Variants in EDAR observed in about 807,000 individuals in gnomAD.
The protein encoded by EDAR is tumor necrosis factor receptor superfamily member EDAR.
Under a neutral mutation model 51.3 loss-of-function variants are expected in EDAR, and 38 were observed. The ratio of observed to expected loss-of-function variants is 0.74; its 90% CI spans 0.57 to 0.97. The LOEUF (loss-of-function observed/expected upper bound fraction) is 0.97. Ranked by LOEUF, EDAR falls within the 50% of genes least tolerant of loss-of-function variation. The pLI is 0.00. For missense variants in EDAR, 528 were observed against 595.0 expected (o/e 0.89, Z 1.17); for synonymous variants, 227 against 242.1 (o/e 0.94, Z 0.58).
intron 1 of EDAR, among the ~76,000 whole-genome samples, chr2:108,951,695 G>T (rs1380881181): frequency 6.6e-6 from 1 of 151,918 alleles, no homozygotes; most frequent in Non-Finnish European, 1.5e-5. Context: ...TAAAATGAGG[G>T]TCTTATACTA....
rs121908455 is a variant in EDAR, at chr2:108,929,225, T to G, written c.329A>C (p.Asp110Ala). 1.9e-6 allele frequency: 3 copies of G among 1,614,118 alleles called. No individual in the cohort carries two copies. The highest frequency in any genetic ancestry group is 2.5e-6 in the Non-Finnish European group (3 of 1,180,040). ...AGGGAGGCAAGGGCCACACTCAGCG[T>G]CATTCTCCATGTCCCCTGGTGTCAG... The part of the protein sequence containing the change: ...TVLTPGDMEN[D>A]AECGPCLPGY... The change falls in exon 4 of 12, where the codon GAC (aspartate) becomes GCC (alanine). Residue 110 changes from aspartate (D) to alanine (A), a missense_variant. By Grantham distance (126) the Asp-to-Ala change is moderately radical (BLOSUM62 -2). Transcript: ENST00000258443.
intron 5 of EDAR, among the ~76,000 whole-genome samples, chr2:108,919,638 G>A (rs2105422764): frequency 6.6e-6 from 1 of 152,312 alleles, no homozygotes; most frequent in African/African-American, 2.4e-5. Flanking sequence ...GATTTCAGGT[G>A]TGAGCCACTG....
At chr2:108,969,375 C>T (rs1449266592) in intron 1 of EDAR, among the ~76,000 whole-genome samples, 5 of 152,126 alleles carry the variant, frequency 3.3e-5, no homozygotes, top group East Asian at 1.9e-4. Context: ...TGGCTAAGTT[C>T]GGATGGTTGT....
intron 11 of EDAR, among the ~76,000 whole-genome samples, chr2:108,904,475 T>A (rs1462774630): frequency 6.6e-6 from 1 of 152,256 alleles, no homozygotes; most frequent in Non-Finnish European, 1.5e-5. Flanking sequence ...TTATCCCAGA[T>A]AAATCACGAC....
At chr2:108,902,928 A>G (rs1464507135) in intron 11 of EDAR, among the ~76,000 whole-genome samples, 2 of 152,204 alleles carry the variant, frequency 1.3e-5, no homozygotes, top group East Asian at 3.8e-4. Flanking sequence ...AAGGAAAGAA[A>G]CGGTACACAG....
intron 9 of EDAR, 68 bp from the exon 10 acceptor site, chr2:108,908,087 T>C (rs372876224): frequency 6.7e-7 from 1 of 1,493,260 alleles, no homozygotes; most frequent in Non-Finnish European, 9.0e-7. Context: ...AGTTCTCCTG[T>C]GGTGAACTTG....
chr2:108,914,012 G>C (rs554922895), intron 5 of EDAR, among the ~76,000 whole-genome samples: 1 of 150,054 alleles, frequency 6.7e-6, no homozygotes, highest in African/African-American at 2.4e-5. Flanking sequence ...TATAATCCCA[G>C]CACTTTGGGA....
chr2:108,928,583 G>A (rs759487683), intron 4 of EDAR, among the ~76,000 whole-genome samples: 11 of 152,202 alleles, frequency 7.2e-5, no homozygotes, highest in Non-Finnish European at 1.2e-4. Flanking sequence ...ATGTGTTGTG[G>A]CCACTAGGGG....
At chr2:108,977,533 G>A (rs1698345558) in intron 1 of EDAR, among the ~76,000 whole-genome samples, 1 of 152,188 alleles carries the variant, frequency 6.6e-6, no homozygotes, top group Non-Finnish European at 1.5e-5. Flanking sequence ...GCCTCCCAAA[G>A]TGCTGGGATT....
intron 11 of EDAR, among the ~76,000 whole-genome samples, chr2:108,898,132 C>T (rs892085889): frequency 6.6e-6 from 1 of 152,184 alleles, no homozygotes; most frequent in Non-Finnish European, 1.5e-5. Flanking sequence ...TCTATTCCAG[C>T]CAAACATCAC....
At chr2:108,903,130 A>G (rs1696732033) in intron 11 of EDAR, among the ~76,000 whole-genome samples, 1 of 152,228 alleles carries the variant, frequency 6.6e-6, no homozygotes, top group Admixed American at 6.5e-5. Flanking sequence ...CTGAATTTAA[A>G]TTGTCGTTTA....
At position 108,894,955 on chromosome 2, in the gene EDAR, G is replaced by GTT. The variant is rs1696553298; in HGVS notation, c.*1950_*1951dup. ...AAACATTCTGAGGAGGGTGCAAGCT[G>GTT]TTATCCTGGAATGGCACACTCATCA... On this transcript the variant is annotated 3_prime_UTR_variant, in exon 12 of 12. Transcript: ENST00000258443. 1 of 152,232 alleles carries GTT rather than the reference G, an allele frequency of 6.6e-6. No homozygotes were observed. Among genetic ancestry groups the GTT allele is most frequent in the African/African-American group, 2.4e-5 (1 of 41,436 alleles). The allele number at this position is 152,232 out of a possible 1,614,324, so 9.4% of individuals were successfully genotyped here.
chr2:108,926,486 G>A (rs563414361), intron 4 of EDAR, among the ~76,000 whole-genome samples: 119 of 152,276 alleles, frequency 7.8e-4, no homozygotes, highest in African/African-American at 2.5e-3. Context: ...CAGATTCCCA[G>A]ATGTTCATTT....
intron 5 of EDAR, among the ~76,000 whole-genome samples, chr2:108,915,135 C>A (rs544595024): frequency 7.2e-5 from 11 of 152,318 alleles, no homozygotes; most frequent in East Asian, 1.9e-4. Context: ...AACTCCTGAC[C>A]TCAAGTGATC....
At chr2:108,910,642 G>T in intron 8 of EDAR, 110 bp from the exon 9 acceptor site, 2 of 1,398,462 alleles carry the variant, frequency 1.4e-6, no homozygotes, top group Non-Finnish European at 2.0e-6. Context: ...GTGTCTGTGT[G>T]GCACCACCCC....
chr2:108,964,017 T>A (rs990842757), intron 1 of EDAR, among the ~76,000 whole-genome samples: 1 of 152,222 alleles, frequency 6.6e-6, no homozygotes, highest in Non-Finnish European at 1.5e-5. Flanking sequence ...GACTATGGCC[T>A]CTGTGGCTGC....
intron 11 of EDAR, among the ~76,000 whole-genome samples, chr2:108,904,307 C>G (rs1429650281): frequency 1.3e-5 from 2 of 152,184 alleles, no homozygotes; most frequent in African/African-American, 4.8e-5. Flanking sequence ...CATAGTAACA[C>G]CACCAAATGC....
rs182991441 is a variant in EDAR, at chr2:108,965,376, G to T, written c.-19+23584C>A. Among the ~76,000 whole-genome samples the T allele has an allele frequency of 7.8e-3, 1,188 of 151,808 alleles. 10 individuals carry two copies. Among genetic ancestry groups the T allele is most frequent in the South Asian group, 0.03 (142 of 4,810 alleles). ...GGTGCCTGTAGTCCCAGCTACTCGG[G>T]AGGCTGAGGCAGGAGAATGGCATGA... On this transcript the variant is annotated intron_variant, in intron 1 of 11. Coordinates refer to ENST00000258443, the MANE Select transcript of EDAR (RefSeq NM_022336.4).
intron 5 of EDAR, among the ~76,000 whole-genome samples, chr2:108,920,511 C>T (rs1382206989): frequency 6.6e-6 from 1 of 152,074 alleles, no homozygotes; most frequent in African/African-American, 2.4e-5. Flanking sequence ...GAAAAATAAC[C>T]GAAGGCCTTT....
Sources: allele counts gnomAD v4.1 joint callset (sites outside exome capture counted in the v4.1 genomes callset), GRCh38; gene constraint gnomAD v4.1.1; transcripts MANE v1.5; gene names NCBI Gene and HGNC (gene_info 2026-07-23, HGNC 2026-07-21).